The following C6 variants were observed in gnomAD, a reference collection of about 807,000 sequenced individuals.
C6 encodes the protein complement C6.
Under a neutral mutation model 112.9 loss-of-function variants are expected in C6, and 101 were observed. The observed-to-expected ratio is 0.89, with a 90% CI of 0.76 to 1.06. The LOEUF is 1.06. Among genes scored for constraint, C6 ranks in the 50% least tolerant of loss-of-function variants. The probability of loss-of-function intolerance (pLI) is 0.00; values close to 1 mark genes in which losing one functional copy is unlikely to be tolerated. For synonymous variants in C6, 431 were observed against 384.1 expected (o/e 1.12, Z -1.43); for missense variants, 1,202 against 1,104.6 (o/e 1.09, Z -1.25).
At chr5:41,192,603 G>GT (rs113068492) in intron 5 of C6, among the ~76,000 whole-genome samples, 3,512 of 151,126 alleles carry the variant, frequency 0.023, 143 homozygotes, top group African/African-American at 0.08. Flanking sequence ...ATCTTGGTAA[G>GT]TTTTTTTTTG....
At chr5:41,226,249 T>C (rs529917440) in intron 1 of C6, among the ~76,000 whole-genome samples, 1 of 151,934 alleles carries the variant, frequency 6.6e-6, no homozygotes, top group Non-Finnish European at 1.5e-5. Flanking sequence ...CTCAAACAAA[T>C]TTACAAGACA....
In C6 at chr5:41,249,264, C is replaced by A. The variant is rs187382576; in HGVS notation, c.-21+11930G>T. 3.8e-3 allele frequency among the ~76,000 whole-genome samples: 577 copies of A among 152,218 alleles called. 7 individuals are homozygous for A. The highest frequency in any genetic ancestry group is 0.013 in the African/African-American group (544 of 41,548). On this transcript the variant is annotated intron_variant, in intron 1 of 17. Transcript: ENST00000263413. ...CCCTTACCCAGGTAACAAAACTGCA[C>A]ATGCTTTCCCTGAATCTAAAATACA... is the stretch of plus-strand genomic sequence containing the variant.
At chr5:41,195,200 T>C (rs1750514340) in intron 5 of C6, among the ~76,000 whole-genome samples, 1 of 152,210 alleles carries the variant, frequency 6.6e-6, no homozygotes. Flanking sequence ...CACCTCTTAC[T>C]CTCTTACGTT....
chr5:41,175,988 T>C (rs1748808684), intron 8 of C6, among the ~76,000 whole-genome samples: 1 of 152,240 alleles, frequency 6.6e-6, no homozygotes, highest in African/African-American at 2.4e-5. Flanking sequence ...TTAACTTTTC[T>C]TTCATCATAT....
chr5:41,220,810 G>C (rs1200912413), intron 1 of C6, among the ~76,000 whole-genome samples: 1 of 151,916 alleles, frequency 6.6e-6, no homozygotes, highest in Non-Finnish European at 1.5e-5. Flanking sequence ...TATTTAGGTA[G>C]TGATCATAAT....
chr5:41,180,461 G>A (rs1170096516), intron 7 of C6, among the ~76,000 whole-genome samples: 1 of 152,086 alleles, frequency 6.6e-6, no homozygotes, highest in Non-Finnish European at 1.5e-5. Flanking sequence ...ATATCTAAGA[G>A]ATTTAAAATG....
intron 9 of C6, among the ~76,000 whole-genome samples, chr5:41,162,205 G>A (rs1198699494): frequency 1.3e-5 from 2 of 152,160 alleles, no homozygotes; most frequent in African/African-American, 4.8e-5. Flanking sequence ...TGGTTACTAA[G>A]AGACAGGACT....
chr5:41,171,549 C>A (rs952032792), intron 9 of C6, among the ~76,000 whole-genome samples: 1 of 152,130 alleles, frequency 6.6e-6, no homozygotes, highest in African/African-American at 2.4e-5. Context: ...GTCTGGAGTT[C>A]AGAAGGGATG....
rs1277869733 is a variant in C6, at chr5:41,165,319, TGTGC to T, written c.1292-3464_1292-3461del. Among the ~76,000 whole-genome samples the T allele has an allele frequency of 2.0e-5, 3 of 152,324 alleles. No individual in the cohort carries two copies. The East Asian group carries it at 5.8e-4, about 29-fold the overall frequency. ...GTAGAGTTTCTAAGTCATAAATATG[TGTGC>T]GTGCATTTATGTTTCACTTTAGTAG... On this transcript the variant is annotated intron_variant, in intron 9 of 17. Coordinates refer to ENST00000337836, the MANE Select transcript of C6 (RefSeq NM_000065.5).
chr5:41,145,278 T>C (rs973236489), intron 17 of C6, among the ~76,000 whole-genome samples: 1 of 152,234 alleles, frequency 6.6e-6, no homozygotes, highest in Non-Finnish European at 1.5e-5. Flanking sequence ...GACATTTTTG[T>C]ATACATTCTT....
At chr5:41,261,189 C>G (rs994034125) in intron 1 of C6, 32 of 985,486 alleles carry the variant, frequency 3.2e-5, no homozygotes, top group Non-Finnish European at 3.5e-5. Context: ...AAGTAGAAAA[C>G]TTACTATGCA....
intron 1 of C6, among the ~76,000 whole-genome samples, chr5:41,233,799 G>C (rs1740056700): frequency 6.6e-6 from 1 of 152,022 alleles, no homozygotes; most frequent in Admixed American, 6.6e-5. Flanking sequence ...CTGATCATTT[G>C]CTCTAGCCAC....
intron 1 of C6, among the ~76,000 whole-genome samples, chr5:41,222,339 A>G (rs1332000081): frequency 6.6e-6 from 1 of 152,002 alleles, no homozygotes; most frequent in East Asian, 1.9e-4. Context: ...CAAAGTTGTT[A>G]TATGCTAATA....
chr5:41,257,157 AC>A (rs1164521529), intron 1 of C6, among the ~76,000 whole-genome samples: 2 of 151,848 alleles, frequency 1.3e-5, no homozygotes, highest in Non-Finnish European at 2.9e-5. Context: ...TAGTTTTTTG[AC>A]CTTTACACTC....
intron 1 of C6, among the ~76,000 whole-genome samples, chr5:41,249,965 T>C (rs1401856342): frequency 3.9e-5 from 6 of 152,354 alleles, no homozygotes; most frequent in South Asian, 2.1e-4. Context: ...AATAATGTAC[T>C]ACCCTCTTAA....
chr5:41,195,545 C>A (rs1378108985), intron 5 of C6, among the ~76,000 whole-genome samples: 1 of 152,110 alleles, frequency 6.6e-6, no homozygotes, highest in East Asian at 1.9e-4. Context: ...TAAAACAAGC[C>A]ATGTTTATGA....
rs778795072 is a variant in C6 at position 41,142,883 on chromosome 5, G to C, written c.2747C>G (p.Thr916Ser). ...EKTLNICEVGTIRCANRKMEI... is the reference protein window; with the variant it reads ...EKTLNICEVGSIRCANRKMEI... ...CATCTTCCTGTTTGCACATCTTATA[G>C]TTCCCACTTCACAGATGTTCAATGT... The change falls in exon 18 of 18, where the codon ACT (threonine) becomes AGT (serine). Residue 916 changes from threonine (T) to serine (S), a missense_variant. Coordinates refer to ENST00000337836, the MANE Select transcript of C6 (RefSeq NM_000065.5). The C allele has an allele frequency of 6.2e-6, 10 of 1,613,290 alleles. No homozygotes were observed. The highest frequency in any genetic ancestry group is 4.0e-5 in the African/African-American group (3 of 74,848).
At position 41,153,956 on chromosome 5, in the gene C6, A is replaced by C; in HGVS notation, c.2144T>G (p.Ile715Ser). Residue 715 changes from isoleucine to serine, a missense_variant, in exon 15 of 18, where the codon ATT becomes AGT. Transcript: ENST00000337836. ...IKPVVQEVLT[I>S]TPFQRLYRIG... ...TCTATACAATCTCTGAAATGGTGTA[A>C]TTGTCAGGACTTCCTGCACAACTGG... is the stretch of plus-strand genomic sequence containing the variant. 6.2e-7 allele frequency: 1 copy of C among 1,613,812 alleles called. No homozygotes were observed. Among genetic ancestry groups the C allele is most frequent in the Non-Finnish European group, 8.5e-7 (1 of 1,179,800 alleles).
intron 1 of C6, among the ~76,000 whole-genome samples, chr5:41,204,463 A>G (rs1377038732): frequency 6.6e-6 from 1 of 152,172 alleles, no homozygotes; most frequent in Non-Finnish European, 1.5e-5. Flanking sequence ...CATGTCCCAG[A>G]GGATGAGTTT....
Sources: gnomAD v4.1 joint callset for allele counts (sites outside exome capture counted in the v4.1 genomes callset) on GRCh38, gnomAD v4.1.1 for gene constraint, MANE v1.5 for transcripts, NCBI Gene and HGNC (gene_info 2026-07-23, HGNC 2026-07-21) for gene names.